Variants in LDB2 observed in about 807,000 individuals in gnomAD.
LDB2 encodes the protein LIM domain-binding protein 2.
A neutral mutation model predicts 44.3 loss-of-function variants in LDB2; 12 were observed. That is an observed-to-expected ratio of 0.27 (90% CI 0.17 to 0.44). The LOEUF is 0.44. Ranked by LOEUF, LDB2 falls within the 20% of genes least tolerant of loss-of-function variation. The probability of loss-of-function intolerance (pLI) is 1.00; values close to 1 mark genes in which losing one functional copy is unlikely to be tolerated. For synonymous variants in LDB2, 164 were observed against 174.8 expected (o/e 0.94, Z 0.49); for missense variants, 344 against 473.5 (o/e 0.73, Z 2.54).
chr4:16,543,991 A>G (rs1734816300), intron 5 of LDB2, among the ~76,000 whole-genome samples: 1 of 152,096 alleles, frequency 6.6e-6, no homozygotes, highest in South Asian at 2.1e-4. Flanking sequence ...TACCCAGTCT[A>G]TTGCAGGTAC....
In LDB2 at chr4:16,877,681, A is replaced by G. The variant is rs534817217; in HGVS notation, c.132+20673T>C. Among the ~76,000 whole-genome samples, 4 of 152,356 alleles carry G rather than the reference A, an allele frequency of 2.6e-5. No homozygotes were observed. The East Asian group carries it at 7.7e-4, about 29-fold the overall frequency. ...ATCAGTAGAAAACAGGGTGTGTACAAGAAACATTTTAAGTGATGTCATCAA... is the reference window on the plus strand; with the variant it reads ...ATCAGTAGAAAACAGGGTGTGTACAGGAAACATTTTAAGTGATGTCATCAA... On this transcript the variant is annotated intron_variant, in intron 1 of 7. Transcript: ENST00000304523.
chr4:16,874,337 C>A (rs1017891755), intron 1 of LDB2, among the ~76,000 whole-genome samples: 3 of 152,062 alleles, frequency 2.0e-5, no homozygotes, highest in Admixed American at 2.0e-4. Flanking sequence ...CTATATTTAT[C>A]TATAAGTTCA....
Position 16,898,626 on chromosome 4 carries a change from G to C in LDB2, c.-141C>G, listed in dbSNP as rs2110592790. On this transcript the variant is annotated 5_prime_UTR_variant, in exon 1 of 8. Coordinates refer to ENST00000304523, the MANE Select transcript of LDB2 (RefSeq NM_001290.5). ...ACAGAGGCAGGCAGGCAGGCAGGCT[G>C]AACACGCTGGCTGGGAACTGCTGTC... 1 of 539,088 alleles carries C rather than the reference G, an allele frequency of 1.9e-6. No homozygotes were observed. The highest frequency in any genetic ancestry group is 2.9e-6 in the Non-Finnish European group (1 of 343,916). 33.4% of individuals were successfully genotyped at this position (539,088 alleles called of 1,614,324 possible). A position where few individuals can be genotyped will look rare whatever the true frequency, so the allele number is the denominator to read the frequency against.
intron 2 of LDB2, among the ~76,000 whole-genome samples, chr4:16,599,197 T>C (rs903245743): frequency 2.6e-5 from 4 of 152,100 alleles, no homozygotes; most frequent in African/African-American, 9.7e-5. Context: ...CAATCAGACA[T>C]AGGGCTTGCT....
At chr4:16,647,497 T>C (rs893348171) in intron 2 of LDB2, among the ~76,000 whole-genome samples, 1 of 152,204 alleles carries the variant, frequency 6.6e-6, no homozygotes, top group African/African-American at 2.4e-5. Flanking sequence ...ATAGTGTGCA[T>C]AAGAATATAT....
At chr4:16,747,105 C>A (rs1764547426) in intron 2 of LDB2, among the ~76,000 whole-genome samples, 1 of 152,216 alleles carries the variant, frequency 6.6e-6, no homozygotes, top group African/African-American at 2.4e-5. Flanking sequence ...TTTAATAAAT[C>A]TTTTAATATT....
chr4:16,681,618 CTTTTTTT>C (rs536589787), intron 2 of LDB2, among the ~76,000 whole-genome samples: 53 of 61,694 alleles, frequency 8.6e-4, no homozygotes, highest in African/African-American at 3.3e-3. Flanking sequence ...GTATTCTATT[CTTTTTTT>C]TTTTTTTTTT....
chr4:16,840,451 C>A (rs182952572), intron 1 of LDB2, among the ~76,000 whole-genome samples: 30 of 152,202 alleles, frequency 2.0e-4, no homozygotes, highest in Non-Finnish European at 3.5e-4. Flanking sequence ...ATTCAAGAAG[C>A]CATGATAGAG....
At chr4:16,810,967 G>A (rs921132810) in intron 1 of LDB2, among the ~76,000 whole-genome samples, 9 of 152,190 alleles carry the variant, frequency 5.9e-5, no homozygotes, top group Non-Finnish European at 1.2e-4. Flanking sequence ...GTGGGGGGTG[G>A]TGGGTGGATT....
intron 5 of LDB2, among the ~76,000 whole-genome samples, chr4:16,548,582 G>A (rs552076940): frequency 6.6e-6 from 1 of 152,316 alleles, no homozygotes; most frequent in African/African-American, 2.4e-5. Flanking sequence ...TTGGAATGCA[G>A]CCTGCATAAA....
chr4:16,689,245 T>A (rs1476312325), intron 2 of LDB2, among the ~76,000 whole-genome samples: 1 of 152,122 alleles, frequency 6.6e-6, no homozygotes, highest in Non-Finnish European at 1.5e-5. Flanking sequence ...CAACACAGGG[T>A]GGGGGAATAT....
At chr4:16,536,609 C>T (rs1731956498) in intron 5 of LDB2, among the ~76,000 whole-genome samples, 1 of 152,210 alleles carries the variant, frequency 6.6e-6, no homozygotes, top group African/African-American at 2.4e-5. Context: ...GGAATGAGCA[C>T]ATTTTTTTCT....
chr4:16,799,428 G>C (rs1777349692), intron 1 of LDB2, among the ~76,000 whole-genome samples: 1 of 152,182 alleles, frequency 6.6e-6, no homozygotes, highest in Non-Finnish European at 1.5e-5. Context: ...CCCATGCCCA[G>C]TTTCCTCTGC....
intron 5 of LDB2, among the ~76,000 whole-genome samples, chr4:16,540,645 G>A (rs185365520): frequency 3.3e-5 from 5 of 152,266 alleles, no homozygotes; most frequent in Non-Finnish European, 7.4e-5. Flanking sequence ...GGGCAGAGCT[G>A]TGACAATCAT....
intron 3 of LDB2, among the ~76,000 whole-genome samples, chr4:16,590,539 G>A (rs1222854175): frequency 6.6e-6 from 1 of 152,192 alleles, no homozygotes; most frequent in Non-Finnish European, 1.5e-5. Flanking sequence ...TGCATTCCAT[G>A]CGCTCTAACT....
chr4:16,839,850 A>G (rs1785540117), intron 1 of LDB2, among the ~76,000 whole-genome samples: 1 of 152,200 alleles, frequency 6.6e-6, no homozygotes, highest in African/African-American at 2.4e-5. Context: ...AGATGAGGAA[A>G]CTGCTCTGAG....
intron 7 of LDB2, among the ~76,000 whole-genome samples, chr4:16,508,303 T>C (rs1720355914): frequency 6.6e-6 from 1 of 152,188 alleles, no homozygotes. Context: ...TCAGGTCCCA[T>C]TGCAGCACGA....
At chr4:16,776,045 C>A (rs1203926765) in intron 1 of LDB2, among the ~76,000 whole-genome samples, 1 of 152,190 alleles carries the variant, frequency 6.6e-6, no homozygotes, top group African/African-American at 2.4e-5. Context: ...TTGTGGCTTG[C>A]CTGCCAGCAT....
chr4:16,639,283 C>T (rs953401456), intron 2 of LDB2, among the ~76,000 whole-genome samples: 1 of 152,128 alleles, frequency 6.6e-6, no homozygotes, highest in South Asian at 2.1e-4. Flanking sequence ...GCTAATTGTG[C>T]TAACAATTGG....
Sources: allele counts gnomAD v4.1 joint callset (sites outside exome capture counted in the v4.1 genomes callset), GRCh38; gene constraint gnomAD v4.1.1; transcripts MANE v1.5; gene names NCBI Gene and HGNC (gene_info 2026-07-23, HGNC 2026-07-21).